The following SMG1 variants were observed in gnomAD, a reference collection of about 807,000 sequenced individuals.
SMG1 encodes the protein serine/threonine-protein kinase SMG1.
Under a neutral mutation model 419.9 loss-of-function variants are expected in SMG1, and 22 were observed. The observed-to-expected ratio is 0.05, with a 90% CI of 0.04 to 0.07. SMG1 has a LOEUF of 0.07. SMG1 is among the 10% of genes least tolerant of loss of function. The probability of loss-of-function intolerance (pLI) is 1.00; values close to 1 mark genes in which losing one functional copy is unlikely to be tolerated. For synonymous variants in SMG1, 1,538 were observed against 1,553.5 expected (o/e 0.99, Z 0.23); for missense variants, 3,185 against 4,342.0 (o/e 0.73, Z 7.49).
At chr16:18,816,651 A>G (rs1255844561) in intron 57 of SMG1, 122 bp from the exon 58 acceptor site, 8 of 714,418 alleles carry the variant, frequency 1.1e-5, no homozygotes, top group Non-Finnish European at 1.6e-5. Context: ...TCCATTGCTA[A>G]GTCATGAATT....
At chr16:18,917,417 G>C (rs1203837693) in intron 1 of SMG1, among the ~76,000 whole-genome samples, 3 of 151,848 alleles carry the variant, frequency 2.0e-5, no homozygotes, top group Non-Finnish European at 4.4e-5. Context: ...CCAAAGTGCT[G>C]GGATTACAGG....
chr16:18,811,120 A>G (rs370021908), intron 62 of SMG1, among the ~76,000 whole-genome samples: 1 of 152,108 alleles, frequency 6.6e-6, no homozygotes, highest in African/African-American at 2.4e-5. Flanking sequence ...AATGCTTGGG[A>G]CCTGTAGTTT....
intron 11 of SMG1, chr16:18,879,219 G>A (rs186175318): frequency 7.5e-5 from 32 of 428,664 alleles, no homozygotes; most frequent in African/African-American, 4.9e-4. Flanking sequence ...GGGCTTAATC[G>A]ATCCTCCTCC....
intron 11 of SMG1, chr16:18,879,294 T>G: frequency 1.8e-6 from 1 of 557,970 alleles, no homozygotes; most frequent in African/African-American, 1.9e-5. Flanking sequence ...TTTTGACTTT[T>G]TGTACAGATG....
At chr16:18,819,431 CAT>C (rs2032317351) in intron 56 of SMG1, 69 bp downstream of exon 56, 1 of 1,525,802 alleles carries the variant, frequency 6.6e-7, no homozygotes, top group South Asian at 1.2e-5. Flanking sequence ...AGTTACCCCA[CAT>C]ATAACTTCCA....
At chr16:18,831,710 C>T (rs2033184619) in intron 51 of SMG1, among the ~76,000 whole-genome samples, 1 of 143,074 alleles carries the variant, frequency 7.0e-6, no homozygotes, top group Non-Finnish European at 1.5e-5. Context: ...GAGCCGAGAT[C>T]GCACCATTGC....
Position 18,913,374 on chromosome 16 carries a change from C to T in SMG1, c.92+12576G>A, listed in dbSNP as rs1454658092. On this transcript the variant is annotated intron_variant, in intron 1 of 62. Transcript: ENST00000446231. ...GATGAAAGTTAAAATTTCAAACACA[C>T]GTATCACACATATACATCTTTTAAC... Among the ~76,000 whole-genome samples, 4 of 151,868 alleles carry T rather than the reference C, an allele frequency of 2.6e-5. 1 individual carries two copies. The highest frequency in any genetic ancestry group is 3.9e-4 in the East Asian group (2 of 5,144).
At chr16:18,864,999 A>G (rs750135558) in intron 23 of SMG1, among the ~76,000 whole-genome samples, 4 of 152,252 alleles carry the variant, frequency 2.6e-5, no homozygotes, top group Non-Finnish European at 4.4e-5. Flanking sequence ...AGCTGATGTC[A>G]GTGTGTGGAA....
chr16:18,834,791 C>A, intron 49 of SMG1, 101 bp downstream of exon 49: 1 of 1,265,410 alleles, frequency 7.9e-7, no homozygotes. Context: ...AAGTAAGCAG[C>A]TGTAACACTT....
chr16:18,915,952 C>T (rs534952701), intron 1 of SMG1, among the ~76,000 whole-genome samples: 16 of 151,492 alleles, frequency 1.1e-4, no homozygotes, highest in African/African-American at 3.1e-4. Context: ...ATCTGTAATC[C>T]CAGCTACTCA....
rs747527828 is a variant in SMG1 at position 18,812,112 on chromosome 16, G to C, written c.10637C>G (p.Thr3546Ser). 3 of 1,612,880 alleles carry C rather than the reference G, an allele frequency of 1.9e-6. No individual in the cohort carries two copies. The Admixed American group carries it at 5.0e-5, about 27-fold the overall frequency. Residue 3546 changes from threonine to serine, a missense_variant, in exon 61 of 63, where the codon ACT becomes AGT. This residue lies in a region of SMG1 where 737 missense variants were observed against 846.6 expected (regional missense o/e 0.87). Transcript: ENST00000446231. ...PSFAAAVRSN[T>S]GQKTQPDVMS... Reference sequence around the variant, plus strand: ...GACATCAGGCTGAGTCTTCTGGCCAGTGTTACTCCGGACTGCTACAGAGAA... The same window carrying C: ...GACATCAGGCTGAGTCTTCTGGCCACTGTTACTCCGGACTGCTACAGAGAA...
intron 18 of SMG1, 28 bp downstream of exon 18, chr16:18,870,582 T>C: frequency 8.6e-6 from 12 of 1,395,450 alleles, no homozygotes; most frequent in Non-Finnish European, 1.1e-5. Flanking sequence ...TATCACAGAA[T>C]GTCTTTGCTC....
chr16:18,836,307 T>A (rs2033569452), intron 47 of SMG1, 53 bp downstream of exon 47: 1 of 1,595,366 alleles, frequency 6.3e-7, no homozygotes, highest in Non-Finnish European at 8.5e-7. Context: ...CAAACACACA[T>A]GACTATAAAA....
intron 1 of SMG1, among the ~76,000 whole-genome samples, chr16:18,903,939 T>TC (rs1308072976): frequency 1.4e-5 from 2 of 144,700 alleles, no homozygotes; most frequent in African/African-American, 5.2e-5. Context: ...CTTGTCTTTT[T>TC]TTTTTTTTTT....
At chr16:18,833,456 C>T (rs1289354918) in intron 50 of SMG1, among the ~76,000 whole-genome samples, 1 of 151,376 alleles carries the variant, frequency 6.6e-6, no homozygotes, top group Admixed American at 6.6e-5. Context: ...AAAGAACTGC[C>T]CTAAAGTATG....
intron 13 of SMG1, among the ~76,000 whole-genome samples, chr16:18,873,390 T>C (rs953222916): frequency 6.6e-6 from 1 of 152,038 alleles, no homozygotes; most frequent in African/African-American, 2.4e-5. Context: ...CTGCTAACTT[T>C]TGTATTTTTT....
At chr16:18,899,386 A>C (rs962374074) in intron 1 of SMG1, among the ~76,000 whole-genome samples, 1 of 152,134 alleles carries the variant, frequency 6.6e-6, no homozygotes, top group African/African-American at 2.4e-5. Flanking sequence ...AAAAAAAACT[A>C]ACTGGAATAG....
chr16:18,873,548 A>G (rs1310866526), intron 13 of SMG1, among the ~76,000 whole-genome samples: 1 of 152,204 alleles, frequency 6.6e-6, no homozygotes, highest in African/African-American at 2.4e-5. Context: ...AACAGGCGCT[A>G]GTGTTGTGAT....
rs1247620987 is a variant in SMG1 at position 18,806,139 on chromosome 16, C to T, written c.*3430G>A. The T allele has an allele frequency of 6.6e-6, 1 of 152,424 alleles. No individual in the cohort carries two copies. 9.4% of individuals were successfully genotyped at this position (152,424 alleles called of 1,614,324 possible). On this transcript the variant is annotated 3_prime_UTR_variant, in exon 63 of 63. Coordinates refer to ENST00000446231, the MANE Select transcript of SMG1 (RefSeq NM_015092.5). ...TAATATTTGGCTGTACTTGCATTGC[C>T]CTGCTCGGCATTTTTAAAAAATGGC...
Sources: allele counts gnomAD v4.1 joint callset (sites outside exome capture counted in the v4.1 genomes callset), GRCh38; gene constraint gnomAD v4.1.1; regional missense constraint gnomAD v4.1.1; transcripts MANE v1.5; gene names NCBI Gene and HGNC (gene_info 2026-07-23, HGNC 2026-07-21).